The following RMC1 variants were observed in gnomAD, a reference collection of about 807,000 sequenced individuals.
RMC1 encodes the protein regulator of MON1-CCZ1 complex.
RMC1 carries 44 observed loss-of-function variants against 95.5 expected under a neutral mutation model. That is an observed-to-expected ratio of 0.46 (90% CI 0.36 to 0.59). The LOEUF (loss-of-function observed/expected upper bound fraction) is 0.59, where lower values mean the gene tolerates loss of function less well. Among genes scored for constraint, RMC1 ranks in the 20% least tolerant of loss-of-function variants. RMC1 has a pLI of 0.00. For synonymous variants in RMC1, 320 were observed against 303.6 expected, an observed-to-expected ratio of 1.05 and a Z score of -0.56; for missense variants, 705 against 819.6, an observed-to-expected ratio of 0.86 and a Z score of 1.71.
chr18:23,515,056 G>A (rs752847810), intron 5 of RMC1, among the ~76,000 whole-genome samples: 2 of 152,108 alleles, frequency 1.3e-5, no homozygotes, highest in African/African-American at 4.8e-5. Context: ...GACTGGAGTC[G>A]AGGTGGAGGC....
chr18:23,527,811 C>G lies in RMC1; in HGVS notation c.1206C>G (p.Asp402Glu). ...CCTTTCCAGTGTTAAGTGAGTCAGA[C>G]AGAGCATCGCTGCCCGTGATAGCCA... ...SVCSQMLSES[D>E]RASLPVIATV... Residue 402 changes from aspartate (D) to glutamate (E), a missense_variant, in exon 14 of 20, where the codon GAC becomes GAG. Physicochemically the swap from Asp to Glu is conservative, Grantham distance 45 (BLOSUM62 2). Transcript: ENST00000269221. The G allele has an allele frequency of 6.2e-7, 1 of 1,614,008 alleles. No individual in the cohort carries two copies. Among genetic ancestry groups the G allele is most frequent in the Non-Finnish European group, 8.5e-7 (1 of 1,179,942 alleles).
intron 7 of RMC1, among the ~76,000 whole-genome samples, chr18:23,516,946 G>A (rs2058024591): frequency 6.6e-6 from 1 of 151,722 alleles, no homozygotes; most frequent in African/African-American, 2.4e-5. Flanking sequence ...GGCTGGTCTC[G>A]AACTCCTGAC....
chr18:23,519,003 C>T lies in RMC1; in HGVS notation c.743+24C>T, dbSNP rs74383409. The T allele has an allele frequency of 3.1e-6, 5 of 1,612,424 alleles. No individual in the cohort carries two copies. The Admixed American group carries it at 5.0e-5, about 16-fold the overall frequency. ...CGGTAGATTTCATGCTTTGTTTTCC[C>T]TCTCTCTCTGATTTTAAAATGTGAA... is the stretch of plus-strand genomic sequence containing the variant. On this transcript the variant is annotated intron_variant, in intron 8 of 19. Transcript: ENST00000269221.
intron 5 of RMC1, among the ~76,000 whole-genome samples, chr18:23,514,686 T>C (rs2145179015): frequency 6.6e-6 from 1 of 152,098 alleles, no homozygotes; most frequent in Middle Eastern, 3.4e-3. Context: ...TCTGGGGGAG[T>C]TCCCTATGGT....
chr18:23,516,178 A>T, intron 6 of RMC1, 142 bp from the exon 7 acceptor site: 1 of 1,299,526 alleles, frequency 7.7e-7, no homozygotes, highest in African/African-American at 1.5e-5. Context: ...TGCTGGGCAG[A>T]CAGGCTGTGA....
chr18:23,523,566 A>AAG (rs1567927833), intron 10 of RMC1, among the ~76,000 whole-genome samples: 2 of 139,634 alleles, frequency 1.4e-5, no homozygotes, highest in Non-Finnish European at 3.2e-5. Flanking sequence ...AAAAAAAAAA[A>AAG]AAAGAAAAAA....
chr18:23,516,727 C>CTT (rs35162212), intron 7 of RMC1, among the ~76,000 whole-genome samples: 31 of 73,930 alleles, frequency 4.2e-4, no homozygotes, highest in South Asian at 1.3e-3. Flanking sequence ...ATTTCTTCTT[C>CTT]TTTTTTTTTT....
In RMC1 at chr18:23,504,358, T is replaced by C; in HGVS notation, c.103-13T>C. 1.9e-6 allele frequency: 3 copies of C among 1,613,524 alleles called. No individual in the cohort carries two copies. Among genetic ancestry groups the C allele is most frequent in the Non-Finnish European group, 2.5e-6 (3 of 1,179,474 alleles). ...GAGTTCAGGCTGTTAACCTTGCTGC[T>C]TTTCCCTCTCAGGTTTTTGCTGTTC... On this transcript the variant is annotated splice_polypyrimidine_tract_variant and intron_variant, in intron 1 of 19. Transcript: ENST00000269221.
chr18:23,526,704 C>G lies in RMC1; in HGVS notation c.1128C>G (p.Leu376=), dbSNP rs552795081. 2.5e-6 allele frequency: 4 copies of G among 1,614,104 alleles called. No homozygotes were observed. The highest frequency in any genetic ancestry group is 3.3e-4 in the Middle Eastern group (2 of 6,062). ...ATCTCTTACCAGACAAAGGAAGACT[C>G]ATGGACTTTCTCCTCCAGAGAAAGG... ...IVNLLPDKGR[L]MDFLLQRKEC... is the part of the protein sequence containing the mutation. The change falls in exon 13 of 20, where the codon CTC becomes CTG. Residue 376 remains leucine, a synonymous_variant. Transcript: ENST00000269221.
At chr18:23,506,861 A>T in intron 2 of RMC1, 109 bp from the exon 3 acceptor site, 1 of 746,420 alleles carries the variant, frequency 1.3e-6, no homozygotes, top group Non-Finnish European at 2.3e-6. Flanking sequence ...TTAATTTTAG[A>T]CTAGAATTTG....
At chr18:23,523,824 GTTCC>G (rs1447029688) in intron 10 of RMC1, among the ~76,000 whole-genome samples, 1 of 152,142 alleles carries the variant, frequency 6.6e-6, no homozygotes, top group Admixed American at 6.5e-5. Flanking sequence ...AAATTTCTCA[GTTCC>G]TTAACGTGCA....
In RMC1 at chr18:23,520,704, C is replaced by T. The variant is rs535725638; in HGVS notation, c.961+391C>T. On this transcript the variant is annotated intron_variant, in intron 10 of 19. Coordinates refer to ENST00000269221, the MANE Select transcript of RMC1 (RefSeq NM_013326.5). ...AGGCTGGAGTGCAGTGGCATGATCTCGGCTCACTGCAACCTCCACCTGTCT... is the reference window on the plus strand; with the variant it reads ...AGGCTGGAGTGCAGTGGCATGATCTTGGCTCACTGCAACCTCCACCTGTCT... Among the ~76,000 whole-genome samples, 31 of 151,956 alleles carry T rather than the reference C, an allele frequency of 2.0e-4. No homozygotes were observed. The South Asian group carries it at 5.0e-3, about 24-fold the overall frequency.
chr18:23,520,390 C>T, intron 10 of RMC1, 77 bp downstream of exon 10: 5 of 1,226,292 alleles, frequency 4.1e-6, no homozygotes, highest in Non-Finnish European at 5.9e-6. Context: ...CTTTGGGAGT[C>T]ACGTTAAAAG....
chr18:23,531,722 T>C lies in RMC1; in HGVS notation c.*18T>C. 1.3e-6 allele frequency: 2 copies of C among 1,599,706 alleles called. No homozygotes were observed. The highest frequency in any genetic ancestry group is 1.3e-5 in the African/African-American group (1 of 74,088). On this transcript the variant is annotated 3_prime_UTR_variant, in exon 20 of 20. Transcript: ENST00000269221. ...CATTCTGAAATCACTTGCTGTTTTTTTATATAAAAATGTGTACAAAGTTAA... is the reference window on the plus strand; with the variant it reads ...CATTCTGAAATCACTTGCTGTTTTTCTATATAAAAATGTGTACAAAGTTAA...
Position 23,518,893 on chromosome 18 carries a change from C to T in RMC1, c.657C>T (p.Tyr219=), listed in dbSNP as rs201101241. 5.8e-5 allele frequency: 94 copies of T among 1,613,842 alleles called. No individual in the cohort carries two copies. The highest frequency in any genetic ancestry group is 8.0e-5 in the African/African-American group (6 of 75,048). The part of the protein sequence containing the change: ...SERDIAMATI[Y]GQLYVLFLRH... ...TGTCTGTTTGTTCCCTAATTAGATA[C>T]GGGCAGCTGTATGTTCTCTTCTTGA... is the stretch of plus-strand genomic sequence containing the variant. The change falls in exon 8 of 20, where the codon TAC becomes TAT. Residue 219 remains tyrosine (Y), a synonymous_variant. Transcript: ENST00000269221.
chr18:23,524,982 C>T (rs1268840884), intron 12 of RMC1, among the ~76,000 whole-genome samples: 13 of 112,696 alleles, frequency 1.2e-4, no homozygotes, highest in South Asian at 1.2e-3. Context: ...GAGTTTTGCT[C>T]GTTGCCCAGG....
chr18:23,531,593 TCTAA>T, intron 19 of RMC1, 28 bp from the exon 20 acceptor site: 1 of 1,605,394 alleles, frequency 6.2e-7, no homozygotes, highest in Non-Finnish European at 8.5e-7. Context: ...TCATGCCACA[TCTAA>T]CTGGCAATTA....
intron 5 of RMC1, among the ~76,000 whole-genome samples, chr18:23,510,878 G>C (rs71202128): frequency 2.0e-5 from 3 of 152,228 alleles, no homozygotes; most frequent in Non-Finnish European, 4.4e-5. Context: ...CTATTGCTGG[G>C]AGTGTAAATT....
chr18:23,526,874 G>T, intron 13 of RMC1, 109 bp downstream of exon 13: 3 of 1,423,004 alleles, frequency 2.1e-6, no homozygotes, highest in Non-Finnish European at 2.8e-6. Context: ...GTGACCCACA[G>T]CCTCATTCTT....
Sources: gnomAD v4.1 joint callset for allele counts (sites outside exome capture counted in the v4.1 genomes callset) on GRCh38, gnomAD v4.1.1 for gene constraint, MANE v1.5 for transcripts, NCBI Gene and HGNC (gene_info 2026-07-23, HGNC 2026-07-21) for gene names.